ANKRD30BL: variants seen among roughly 807,000 people sequenced by gnomAD.
The protein encoded by ANKRD30BL is ankyrin repeat domain 30B like, also known as putative ankyrin repeat domain-containing protein 30B-like.
A neutral mutation model predicts 18.4 loss-of-function variants in ANKRD30BL; 20 were observed. That is an observed-to-expected ratio of 1.09 (90% CI 0.77 to 1.58). The LOEUF is 1.58. Among genes scored for constraint, ANKRD30BL ranks in the 40% most tolerant of loss-of-function variants. ANKRD30BL has a pLI of 0.00. For synonymous variants in ANKRD30BL, 72 were observed against 100.9 expected (o/e 0.71, Z 1.72); for missense variants, 224 against 268.6 (o/e 0.83, Z 1.16).
At chr2:132,202,713 T>G (rs1679132249) in intron 1 of ANKRD30BL, among the ~76,000 whole-genome samples, 1 of 152,202 alleles carries the variant, frequency 6.6e-6, no homozygotes, top group Admixed American at 6.5e-5. Flanking sequence ...ATATGAATAT[T>G]TATATATATA....
At chr2:132,190,926 G>T (rs896702660) in intron 1 of ANKRD30BL, among the ~76,000 whole-genome samples, 93 of 152,140 alleles carry the variant, frequency 6.1e-4, no homozygotes, top group African/African-American at 2.0e-3. Flanking sequence ...ATAATGGATG[G>T]AAGCAAATTA....
chr2:132,155,983 T>A (rs1184285144), intron 3 of ANKRD30BL: 3 of 152,078 alleles, frequency 2.0e-5, no homozygotes, highest in Admixed American at 2.0e-4. Context: ...AGGATCCTAA[T>A]GCATATCTAC....
intron 1 of ANKRD30BL, among the ~76,000 whole-genome samples, chr2:132,247,012 ACTT>A (rs1680519027): frequency 6.6e-6 from 1 of 152,298 alleles, no homozygotes; most frequent in South Asian, 2.1e-4. Flanking sequence ...ATTCTCAGAA[ACTT>A]CTTTGTGATG....
chr2:132,192,538 A>T (rs556211851), intron 1 of ANKRD30BL, among the ~76,000 whole-genome samples: 1 of 152,352 alleles, frequency 6.6e-6, no homozygotes, highest in African/African-American at 2.4e-5. Context: ...GGAACCACCA[A>T]GTCATGACAC....
At chr2:132,238,499 G>A (rs984665413) in intron 1 of ANKRD30BL, among the ~76,000 whole-genome samples, 52 of 151,288 alleles carry the variant, frequency 3.4e-4, no homozygotes, top group Non-Finnish European at 3.7e-4. Flanking sequence ...TGATGCTTAC[G>A]TTCAACTGAC....
At chr2:132,185,471 C>A (rs1688547136) in intron 1 of ANKRD30BL, among the ~76,000 whole-genome samples, 1 of 152,048 alleles carries the variant, frequency 6.6e-6, no homozygotes, top group African/African-American at 2.4e-5. Context: ...ACAAGATTTT[C>A]ATGGAAAGAA....
At chr2:132,200,973 T>G (rs1473863892) in intron 1 of ANKRD30BL, among the ~76,000 whole-genome samples, 1 of 150,588 alleles carries the variant, frequency 6.6e-6, no homozygotes, top group Non-Finnish European at 1.5e-5. Context: ...CAGAACAGAG[T>G]CCTCAGAAAT....
intron 1 of ANKRD30BL, among the ~76,000 whole-genome samples, chr2:132,221,703 C>T (rs1385970326): frequency 8.4e-6 from 1 of 118,520 alleles, no homozygotes; most frequent in African/African-American, 4.4e-5. Flanking sequence ...GGGGGATCAG[C>T]CCCCTGCCTG....
chr2:132,232,074 C>T (rs1392542946), intron 1 of ANKRD30BL, among the ~76,000 whole-genome samples: 1 of 152,192 alleles, frequency 6.6e-6, no homozygotes, highest in Non-Finnish European at 1.5e-5. Flanking sequence ...AGCAGGGGCA[C>T]ACTGACACCT....
At chr2:132,220,282 C>T (rs1228236174) in intron 1 of ANKRD30BL, among the ~76,000 whole-genome samples, 1 of 146,274 alleles carries the variant, frequency 6.8e-6, no homozygotes, top group Non-Finnish European at 1.5e-5. Flanking sequence ...TGTTTTTGGC[C>T]TCTCCCTCTC....
At chr2:132,227,338 T>A (rs1160624542) in intron 1 of ANKRD30BL, among the ~76,000 whole-genome samples, 1 of 152,116 alleles carries the variant, frequency 6.6e-6, no homozygotes, top group Non-Finnish European at 1.5e-5. Context: ...AAGTGGACAC[T>A]TGGAACACTT....
chr2:132,183,745 G>A (rs1573822695), intron 1 of ANKRD30BL, among the ~76,000 whole-genome samples: 2 of 152,198 alleles, frequency 1.3e-5, no homozygotes, highest in Admixed American at 1.3e-4. Context: ...GCATATATAT[G>A]TATATGTGTG....
chr2:132,186,559 A>T (rs1428647999), intron 1 of ANKRD30BL, among the ~76,000 whole-genome samples: 2 of 152,220 alleles, frequency 1.3e-5, no homozygotes, highest in African/African-American at 4.8e-5. Flanking sequence ...AGCCTTACTA[A>T]TATAATCCTA....
At chr2:132,238,825 T>G (rs1573878392) in intron 1 of ANKRD30BL, among the ~76,000 whole-genome samples, 2 of 152,078 alleles carry the variant, frequency 1.3e-5, no homozygotes. Context: ...TCTCAGAAAT[T>G]TCTTTGTGAT....
intron 1 of ANKRD30BL, among the ~76,000 whole-genome samples, chr2:132,231,336 C>T (rs1287642252): frequency 2.0e-5 from 3 of 152,144 alleles, no homozygotes; most frequent in African/African-American, 7.2e-5. Context: ...GGGGGAGGAG[C>T]CAAGATGGCC....
intron 2 of ANKRD30BL, 49 bp from the exon 3 acceptor site, chr2:132,157,195 A>AT (rs1442109556): frequency 7.9e-7 from 1 of 1,269,460 alleles, no homozygotes; most frequent in Non-Finnish European, 1.1e-6. Flanking sequence ...GGAAATATAA[A>AT]TAAATATTCC....
chr2:132,221,709 G>C (rs1266470057), intron 1 of ANKRD30BL, among the ~76,000 whole-genome samples: 1 of 113,032 alleles, frequency 8.8e-6, no homozygotes, highest in Non-Finnish European at 1.7e-5. Context: ...TCAGCCCCCT[G>C]CCTGGCCAGC....
At chr2:132,173,653 T>C (rs545013465) in intron 1 of ANKRD30BL, among the ~76,000 whole-genome samples, 5 of 152,236 alleles carry the variant, frequency 3.3e-5, no homozygotes, top group African/African-American at 7.2e-5. Context: ...GGGAAAAAAA[T>C]CTGTAATTAT....
rs181386149 is a variant in ANKRD30BL at position 132,251,809 on chromosome 2, C to T, written n.441+5720G>A. 4.7e-3 allele frequency among the ~76,000 whole-genome samples: 709 copies of T among 152,332 alleles called. 2 individuals carry two copies. Among genetic ancestry groups the T allele is most frequent in the Non-Finnish European group, 7.5e-3 (512 of 68,040 alleles). Reference sequence around the variant, plus strand: ...GCATTCACTCTTTCTCTCTGTTTTCCATCACCTAAAAGTAACTTTGTGTTC... The same window carrying T: ...GCATTCACTCTTTCTCTCTGTTTTCTATCACCTAAAAGTAACTTTGTGTTC... On this transcript the variant is annotated intron_variant and non_coding_transcript_variant, in intron 1 of 4. Coordinates refer to the ANKRD30BL transcript ENST00000470729.
Sources: gnomAD v4.1 joint callset for allele counts (sites outside exome capture counted in the v4.1 genomes callset) on GRCh38, gnomAD v4.1.1 for gene constraint, MANE v1.5 for transcripts, NCBI Gene and HGNC (gene_info 2026-07-23, HGNC 2026-07-21) for gene names.